HEPACAM2: variants seen among roughly 807,000 people sequenced by gnomAD.
The protein encoded by HEPACAM2 is mitotic kinetics regulator.
HEPACAM2 carries 49 observed loss-of-function variants against 49.6 expected under a neutral mutation model. That is an observed-to-expected ratio of 0.99 (90% confidence interval 0.78 to 1.25). The LOEUF (loss-of-function observed/expected upper bound fraction) is 1.25. Ranked by LOEUF, HEPACAM2 falls within the 50% of genes most tolerant of loss-of-function variation. HEPACAM2 has a pLI of 0.00. For synonymous variants in HEPACAM2, 197 were observed against 202.9 expected (o/e 0.97, Z 0.25); for missense variants, 525 against 557.2 (o/e 0.94, Z 0.58).
At chr7:93,197,702 G>GA (rs776335972) in intron 4 of HEPACAM2, 92 bp from the exon 5 acceptor site, 76 of 860,714 alleles carry the variant, frequency 8.8e-5, no homozygotes, top group Non-Finnish European at 1.2e-4. Flanking sequence ...AGACGCTATT[G>GA]AAAAAAATAT....
At chr7:93,208,429 T>C in intron 4 of HEPACAM2, 151 bp downstream of exon 4, 3 of 647,378 alleles carry the variant, frequency 4.6e-6, no homozygotes, top group Admixed American at 3.5e-5. Context: ...ATAGAAACCA[T>C]GGCTTAGTTA....
At position 93,219,452 on chromosome 7, in the gene HEPACAM2, C is replaced by A; in HGVS notation, c.80-1G>T. On this transcript the variant is annotated splice_acceptor_variant, in intron 1 of 9. Coordinates refer to ENST00000394468, the MANE Select transcript of HEPACAM2 (RefSeq NM_001039372.4). LOFTEE classifies it high-confidence loss of function. ...GTCACCTTCAGCCCCGAGCAAGCAC[C>A]TGTTGCAAAGGAAAGGAAAGTTGTG... 1 of 1,613,792 alleles carries A rather than the reference C, an allele frequency of 6.2e-7. No individual in the cohort carries two copies. The highest frequency in any genetic ancestry group is 8.5e-7 in the Non-Finnish European group (1 of 1,179,932).
chr7:93,194,200 A>G (rs1050219958), intron 8 of HEPACAM2, among the ~76,000 whole-genome samples: 5 of 152,158 alleles, frequency 3.3e-5, no homozygotes, highest in African/African-American at 1.2e-4. Flanking sequence ...TAAAACTCCA[A>G]AATTGAGTAG....
chr7:93,201,075 G>T (rs1793869245), intron 4 of HEPACAM2, among the ~76,000 whole-genome samples: 1 of 152,092 alleles, frequency 6.6e-6, no homozygotes, highest in African/African-American at 2.4e-5. Flanking sequence ...AGTGCAAACT[G>T]CACACACACA....
intron 4 of HEPACAM2, among the ~76,000 whole-genome samples, chr7:93,198,080 T>A (rs1793782586): frequency 1.3e-5 from 2 of 151,960 alleles, no homozygotes; most frequent in South Asian, 4.1e-4. Context: ...CTTTAGTAAT[T>A]TTTGGCCAAT....
At chr7:93,197,129 T>C (rs546197553) in intron 7 of HEPACAM2, 112 bp downstream of exon 7, 3 of 691,756 alleles carry the variant, frequency 4.3e-6, no homozygotes, top group East Asian at 7.9e-5. Flanking sequence ...GAGACTGTTA[T>C]ATTAATTTTA....
the HEPACAM2 span, among the ~76,000 whole-genome samples, chr7:93,232,168 G>T: frequency 2.0e-5 from 3 of 152,178 alleles, no homozygotes; most frequent in African/African-American, 7.2e-5. Context: ...AAGCACCTTT[G>T]TAAGACCGGC....
chr7:93,201,724 A>C (rs1293294333), intron 4 of HEPACAM2, among the ~76,000 whole-genome samples: 1 of 152,084 alleles, frequency 6.6e-6, no homozygotes, highest in Non-Finnish European at 1.5e-5. Flanking sequence ...AATTGAAGCA[A>C]TGACAAATAA....
chr7:93,219,201 G>T lies in HEPACAM2; in HGVS notation c.330C>A (p.Asn110Lys). ...MMPPNASLLI[N>K]PLQFPDEGNY... is the part of the protein sequence containing the mutation. ...TGCCTTCATCAGGGAACTGCAGTGGGTTGATAAGCAGAGATGCATTGGGTG... is the reference window on the plus strand; with the variant it reads ...TGCCTTCATCAGGGAACTGCAGTGGTTTGATAAGCAGAGATGCATTGGGTG... The change falls in exon 2 of 10, where the codon AAC becomes AAA. Residue 110 changes from asparagine to lysine, a missense_variant. By Grantham distance (94) the Asn-to-Lys change is moderately conservative (BLOSUM62 0). Transcript: ENST00000394468. 1 of 1,614,012 alleles carries T rather than the reference G, an allele frequency of 6.2e-7. No individual in the cohort carries two copies. Among genetic ancestry groups the T allele is most frequent in the Non-Finnish European group, 8.5e-7 (1 of 1,179,940 alleles).
At chr7:93,192,711 T>C (rs1793586608) in intron 8 of HEPACAM2, among the ~76,000 whole-genome samples, 1 of 152,096 alleles carries the variant, frequency 6.6e-6, no homozygotes, top group Admixed American at 6.6e-5. Flanking sequence ...GCATATATCA[T>C]TATCTTTTCT....
At chr7:93,204,175 G>C (rs893324283) in intron 4 of HEPACAM2, among the ~76,000 whole-genome samples, 8 of 152,086 alleles carry the variant, frequency 5.3e-5, no homozygotes, top group African/African-American at 1.9e-4. Flanking sequence ...GCTTTCTCAG[G>C]ATCACGTACA....
rs971154614 is a variant in HEPACAM2, at chr7:93,192,167, T to G, written c.1385+87A>C. 12 of 873,770 alleles carry G rather than the reference T, an allele frequency of 1.4e-5. No individual in the cohort carries two copies. The African/African-American group carries it at 2.1e-4, about 15-fold the overall frequency. The allele number at this position is 873,770 out of a possible 1,614,324, so 54.1% of individuals were successfully genotyped here. On this transcript the variant is annotated intron_variant, in intron 9 of 9. Transcript: ENST00000394468. ...ATAATTTCTTGTTTTGGTATTTTTC[T>G]TCTGTGCCTTTTAATCAGTTCTGGG...
At chr7:93,190,360 G>A (rs1793511924) in intron 9 of HEPACAM2, among the ~76,000 whole-genome samples, 3 of 151,958 alleles carry the variant, frequency 2.0e-5, no homozygotes, top group Admixed American at 2.0e-4. Flanking sequence ...CAGTTATGGA[G>A]AAGGAGAGGA....
At chr7:93,192,211 C>T in intron 9 of HEPACAM2, 43 bp downstream of exon 9, 1 of 1,423,806 alleles carries the variant, frequency 7.0e-7, no homozygotes, top group Non-Finnish European at 9.9e-7. Flanking sequence ...AAGCTAAATG[C>T]TTAGCCTCTC....
At chr7:93,210,254 TAAGTGCTTATGCAG>T (rs1458813360) in intron 3 of HEPACAM2, among the ~76,000 whole-genome samples, 3 of 151,938 alleles carry the variant, frequency 2.0e-5, no homozygotes, top group African/African-American at 4.8e-5. Context: ...GAAGGCACTT[TAAGTGCTTATGCAG>T]ATAACAACAT....
intron 9 of HEPACAM2, among the ~76,000 whole-genome samples, chr7:93,190,922 G>A (rs1333333633): frequency 6.6e-6 from 1 of 151,864 alleles, no homozygotes; most frequent in Non-Finnish European, 1.5e-5. Context: ...TTGTCATTTG[G>A]TTTGTTTACA....
chr7:93,230,499 G>T (rs1226346840), upstream of HEPACAM2, among the ~76,000 whole-genome samples: 2 of 152,176 alleles, frequency 1.3e-5, no homozygotes, highest in African/African-American at 4.8e-5. Flanking sequence ...TCACCCCTAA[G>T]ATATGCTTTT....
At chr7:93,212,311 T>G (rs780420192) in intron 3 of HEPACAM2, among the ~76,000 whole-genome samples, 1 of 152,080 alleles carries the variant, frequency 6.6e-6, no homozygotes, top group Admixed American at 6.6e-5. Flanking sequence ...ATTGGCATAA[T>G]TTTTTCTCTT....
At chr7:93,225,977 C>A in intron 1 of HEPACAM2, 1 of 1,149,898 alleles carries the variant, frequency 8.7e-7, no homozygotes, top group South Asian at 1.6e-5. Context: ...AAACAATTTT[C>A]GTAAATTATT....
Sources: gnomAD v4.1 joint callset for allele counts (sites outside exome capture counted in the v4.1 genomes callset) on GRCh38, gnomAD v4.1.1 for gene constraint, MANE v1.5 for transcripts, NCBI Gene and HGNC (gene_info 2026-07-23, HGNC 2026-07-21) for gene names.